Variants in USP34 observed in about 807,000 individuals in gnomAD.
The protein encoded by USP34 is ubiquitin specific peptidase 34, also known as ubiquitin carboxyl-terminal hydrolase 34.
In USP34, 70 loss-of-function variants were observed where a neutral mutation model predicts 460.3. That is an observed-to-expected ratio of 0.15 (90% CI 0.13 to 0.19). USP34 has a LOEUF of 0.19. Among genes scored for constraint, USP34 ranks in the 10% least tolerant of loss-of-function variants. The pLI is 1.00. For missense variants in USP34, 3,985 were observed against 4,236.2 expected (o/e 0.94, Z 1.65); for synonymous variants, 1,647 against 1,405.3 (o/e 1.17, Z -3.85).
At position 61,229,014 on chromosome 2, in the gene USP34, G is replaced by C. The variant is rs762636967; in HGVS notation, c.7200-19C>G. ...ATCTGACCTAAGAGACAATTAAATA[G>C]ATCTTAGAGAATGTATGAGGTCTGG... On this transcript the variant is annotated intron_variant, in intron 59 of 79. Transcript: ENST00000398571. 2 of 1,514,308 alleles carry C rather than the reference G, an allele frequency of 1.3e-6. No individual in the cohort carries two copies. The highest frequency in any genetic ancestry group is 1.8e-6 in the Non-Finnish European group (2 of 1,126,618). The allele number at this position is 1,514,308 out of a possible 1,614,324, so 93.8% of individuals were successfully genotyped here.
intron 1 of USP34, among the ~76,000 whole-genome samples, chr2:61,459,696 G>C (rs759186816): frequency 6.7e-6 from 1 of 150,140 alleles, no homozygotes; most frequent in Non-Finnish European, 1.5e-5. Flanking sequence ...AGAATCGCTT[G>C]AACCCGGGAG....
Position 61,347,877 on chromosome 2 carries a change from G to C in USP34, c.2278C>G (p.His760Asp). 3.1e-6 allele frequency: 5 copies of C among 1,612,556 alleles called. No homozygotes were observed. The highest frequency in any genetic ancestry group is 4.2e-6 in the Non-Finnish European group (5 of 1,178,930). The change falls in exon 15 of 80, where the codon CAC (histidine) becomes GAC (aspartate). Residue 760 changes from histidine to aspartate, a missense_variant. Physicochemically the swap from His to Asp is moderately conservative, Grantham distance 81. Around this residue, in one of 14 missense-constraint regions of USP34, gnomAD observed 716 missense variants for 626.2 expected, o/e 1.14. Transcript: ENST00000398571. ...ATTTTGAAGTAGGCTTACCCATCGT[G>C]GTGGTGGTGATGGTGGTGGTGGTGG... is the stretch of plus-strand genomic sequence containing the variant. ...HHHHHHHHHHHDGHMVDDMLS... is the reference protein window; with the variant it reads ...HHHHHHHHHHDDGHMVDDMLS...
intron 1 of USP34, among the ~76,000 whole-genome samples, chr2:61,456,916 G>T (rs1695457977): frequency 6.6e-6 from 1 of 152,036 alleles, no homozygotes; most frequent in Non-Finnish European, 1.5e-5. Flanking sequence ...GGGACGTTGA[G>T]GCTGCAGTTA....
chr2:61,293,208 A>G (rs1389882510), intron 33 of USP34, among the ~76,000 whole-genome samples: 1 of 152,068 alleles, frequency 6.6e-6, no homozygotes, highest in Non-Finnish European at 1.5e-5. Context: ...TAATTTATCA[A>G]CCTAAAGGAA....
At chr2:61,404,377 T>A (rs1693807334) in intron 3 of USP34, among the ~76,000 whole-genome samples, 1 of 151,966 alleles carries the variant, frequency 6.6e-6, no homozygotes, top group South Asian at 2.1e-4. Context: ...TTACCTCTCC[T>A]CCCCCCAGCA....
chr2:61,343,688 T>G, intron 16 of USP34, 127 bp downstream of exon 16: 1 of 937,692 alleles, frequency 1.1e-6, no homozygotes, highest in Non-Finnish European at 1.6e-6. Context: ...AAAACTACCA[T>G]ATGTAAGTTA....
intron 5 of USP34, among the ~76,000 whole-genome samples, chr2:61,386,019 T>C (rs1229259366): frequency 2.3e-5 from 3 of 131,982 alleles, no homozygotes; most frequent in Admixed American, 7.7e-5. Context: ...AAAAAAGAAA[T>C]ATGACAGGGA....
At chr2:61,407,383 G>A (rs1188271868) in intron 2 of USP34, among the ~76,000 whole-genome samples, 1 of 152,138 alleles carries the variant, frequency 6.6e-6, no homozygotes, top group Non-Finnish European at 1.5e-5. Context: ...GGAACGGTCT[G>A]GTGAATCAAT....
In USP34 at chr2:61,192,945, G is replaced by A. The variant is rs759113316; in HGVS notation, c.9544C>T (p.Leu3182Phe). The change falls in exon 76 of 80, where the codon CTT becomes TTT. Residue 3182 changes from leucine (L) to phenylalanine (F), a missense_variant. Leu to Phe is a conservative substitution (Grantham distance 22, BLOSUM62 0). This residue lies in a region of USP34 where 506 missense variants were observed against 439.0 expected (regional missense o/e 1.15). Coordinates refer to ENST00000398571, the MANE Select transcript of USP34 (RefSeq NM_014709.4). ...GTCCAAAGTTTGGGGAACAGTGCAA[G>A]ATGAAGTGGCAAACCTTCATAGGCA... The part of the protein sequence containing the change: ...LVAYEGLPLH[L>F]ALFPKLWTEL... 24 of 1,613,814 alleles carry A rather than the reference G, an allele frequency of 1.5e-5. No homozygotes were observed. Among genetic ancestry groups the A allele is most frequent in the Non-Finnish European group, 8.5e-6 (10 of 1,179,892 alleles).
chr2:61,215,443 A>G (rs1687369130), intron 67 of USP34, among the ~76,000 whole-genome samples: 1 of 152,246 alleles, frequency 6.6e-6, no homozygotes, highest in Admixed American at 6.5e-5. Context: ...GGCTAAACTT[A>G]CACCCAAGGA....
At chr2:61,198,085 A>C (rs1200357862) in intron 75 of USP34, among the ~76,000 whole-genome samples, 1 of 152,158 alleles carries the variant, frequency 6.6e-6, no homozygotes, top group Non-Finnish European at 1.5e-5. Context: ...CATAATATTA[A>C]AATAACTTAT....
At chr2:61,461,232 A>C (rs1463431416) in intron 1 of USP34, among the ~76,000 whole-genome samples, 1 of 151,520 alleles carries the variant, frequency 6.6e-6, no homozygotes, top group African/African-American at 2.4e-5. Flanking sequence ...CTCTACTAAA[A>C]ATGCAAAAGA....
rs767872709 is a variant in USP34 at position 61,214,230 on chromosome 2, G to C, written c.8512C>G (p.His2838Asp). The C allele has an allele frequency of 2.5e-6, 4 of 1,614,204 alleles. No homozygotes were observed. The South Asian group carries it at 4.4e-5, about 18-fold the overall frequency. The change falls in exon 68 of 80, where the codon CAT (histidine) becomes GAT (aspartate). Residue 2838 changes from histidine to aspartate, a missense_variant. By Grantham distance (81) the His-to-Asp change is moderately conservative. Transcript: ENST00000398571. The stretch of plus-strand genomic sequence containing the variant: ...AAAAGCACCACATCCTGATCATCAT[G>C]GTCAGCAAGGATGTAATTGAAGGCA... ...NIAFNYILAD[H>D]DDQDVVLFNR...
chr2:61,334,030 C>G, intron 18 of USP34, 59 bp from the exon 19 acceptor site: 2 of 1,299,256 alleles, frequency 1.5e-6, no homozygotes, highest in Non-Finnish European at 2.1e-6. Context: ...AGAAATTCAG[C>G]CATTTAAAAT....
chr2:61,219,542 G>A (rs1398260144), intron 67 of USP34, among the ~76,000 whole-genome samples: 2 of 152,084 alleles, frequency 1.3e-5, no homozygotes, highest in East Asian at 1.9e-4. Context: ...GTGGTGGCGT[G>A]CACCTGTTAT....
At chr2:61,445,142 T>A (rs1479316500) in intron 1 of USP34, among the ~76,000 whole-genome samples, 4 of 141,714 alleles carry the variant, frequency 2.8e-5, no homozygotes, top group Non-Finnish European at 4.6e-5. Context: ...GAAAAAAAAA[T>A]TTGTCAACAG....
At chr2:61,363,322 C>T (rs1042612226) in intron 10 of USP34, among the ~76,000 whole-genome samples, 1 of 152,142 alleles carries the variant, frequency 6.6e-6, no homozygotes, top group African/African-American at 2.4e-5. Flanking sequence ...AAGTTTAACA[C>T]AGAATTACCA....
chr2:61,261,054 C>T (rs1211201091), intron 43 of USP34, among the ~76,000 whole-genome samples: 1 of 152,118 alleles, frequency 6.6e-6, no homozygotes, highest in African/African-American at 2.4e-5. Context: ...AGAAATTAAA[C>T]CCTTATGCAT....
chr2:61,233,255 C>T (rs568400991), intron 57 of USP34, among the ~76,000 whole-genome samples: 1 of 152,062 alleles, frequency 6.6e-6, no homozygotes, highest in African/African-American at 2.4e-5. Flanking sequence ...CTGGATCTAT[C>T]GAACAGCCAT....
Sources: gnomAD v4.1 joint callset for allele counts (sites outside exome capture counted in the v4.1 genomes callset) on GRCh38, gnomAD v4.1.1 for gene constraint, gnomAD v4.1.1 regional missense constraint, MANE v1.5 for transcripts, NCBI Gene and HGNC (gene_info 2026-07-23, HGNC 2026-07-21) for gene names.